GABRG3: variants seen among roughly 807,000 people sequenced by gnomAD.
GABRG3 encodes gamma-aminobutyric acid receptor subunit gamma-3.
A neutral mutation model predicts 48.8 loss-of-function variants in GABRG3; 25 were observed. The ratio of observed to expected loss-of-function variants is 0.51; its 90% CI spans 0.37 to 0.72. The LOEUF is 0.72. Among genes scored for constraint, GABRG3 ranks in the 30% least tolerant of loss-of-function variants. The pLI, the probability that GABRG3 is intolerant of heterozygous loss-of-function variation, is 0.00. For missense variants in GABRG3, 394 were observed against 577.9 expected (o/e 0.68, Z 3.26); for synonymous variants, 227 against 217.6 (o/e 1.04, Z -0.38).
chr15:27,082,917 C>T (rs575928707), intron 3 of GABRG3, among the ~76,000 whole-genome samples: 16 of 152,266 alleles, frequency 1.1e-4, no homozygotes, highest in African/African-American at 3.4e-4. Flanking sequence ...TGAGCCTCCC[C>T]GAACTCCCTG....
At chr15:26,978,915 C>G (rs1033398509) in intron 2 of GABRG3, among the ~76,000 whole-genome samples, 6 of 151,394 alleles carry the variant, frequency 4.0e-5, no homozygotes, top group African/African-American at 1.5e-4. Context: ...AGATATCAAT[C>G]TGGAAAGAAC....
At chr15:27,419,841 C>A (rs1308273088) in intron 5 of GABRG3, among the ~76,000 whole-genome samples, 1 of 152,144 alleles carries the variant, frequency 6.6e-6, no homozygotes, top group African/African-American at 2.4e-5. Context: ...TCAAGTTGCT[C>A]TTCTGACAAA....
intron 3 of GABRG3, among the ~76,000 whole-genome samples, chr15:27,116,125 C>T (rs753827300): frequency 2.3e-4 from 35 of 152,198 alleles, no homozygotes; most frequent in Non-Finnish European, 4.4e-4. Flanking sequence ...GGCCAGATGT[C>T]GCCCAGGGGA....
At chr15:27,095,574 G>A (rs949803943) in intron 3 of GABRG3, among the ~76,000 whole-genome samples, 4 of 152,106 alleles carry the variant, frequency 2.6e-5, no homozygotes, top group Admixed American at 2.6e-4. Context: ...TATTTGTAAA[G>A]CTGTCCCACA....
chr15:27,537,098 G>A lies in GABRG3; in HGVS notation c.*4217G>A, dbSNP rs1230462984. 8 of 137,306 alleles carry A rather than the reference G, an allele frequency of 5.8e-5. No individual in the cohort carries two copies. Among genetic ancestry groups the A allele is most frequent in the African/African-American group, 1.9e-4 (7 of 36,568 alleles). The allele number at this position is 137,306 out of a possible 1,614,324, so 8.5% of individuals were successfully genotyped here. On this transcript the variant is annotated 3_prime_UTR_variant, in exon 10 of 10. Coordinates refer to ENST00000615808, the MANE Select transcript of GABRG3 (RefSeq NM_033223.5). ...TCCTGAGCGATTTTAAACTCTACCC[G>A]TAAGAAATTTCATCTGCAATTTCTG...
intron 5 of GABRG3, among the ~76,000 whole-genome samples, chr15:27,414,051 G>A (rs548896737): frequency 4.0e-4 from 61 of 152,328 alleles, no homozygotes; most frequent in African/African-American, 1.3e-3. Context: ...TGAAGGAATT[G>A]TAGATTTCAG....
intron 2 of GABRG3, among the ~76,000 whole-genome samples, chr15:26,985,344 GTTC>G (rs1895131982): frequency 6.6e-6 from 1 of 152,206 alleles, no homozygotes; most frequent in Non-Finnish European, 1.5e-5. Context: ...ATCCCTGCCC[GTTC>G]CTGGATGAGG....
intron 5 of GABRG3, among the ~76,000 whole-genome samples, chr15:27,419,426 T>C (rs550990399): frequency 6.6e-6 from 1 of 152,314 alleles, no homozygotes; most frequent in South Asian, 2.1e-4. Context: ...GTTAAACTGA[T>C]GAGCATTAAG....
At chr15:27,197,884 GTTTA>G (rs1366277197) in intron 3 of GABRG3, among the ~76,000 whole-genome samples, 4 of 152,088 alleles carry the variant, frequency 2.6e-5, no homozygotes, top group Non-Finnish European at 4.4e-5. Flanking sequence ...AGATTTTCTA[GTTTA>G]TTTGTGTAGA....
intron 3 of GABRG3, among the ~76,000 whole-genome samples, chr15:27,238,485 A>G (rs1453559021): frequency 1.3e-5 from 2 of 152,208 alleles, no homozygotes; most frequent in African/African-American, 2.4e-5. Context: ...GTGGAGTTAC[A>G]TAGATCTGGA....
intron 5 of GABRG3, among the ~76,000 whole-genome samples, chr15:27,418,255 T>C (rs1238532902): frequency 6.6e-6 from 1 of 152,194 alleles, no homozygotes; most frequent in African/African-American, 2.4e-5. Context: ...AAGATGGTGT[T>C]GCTCTGATGT....
chr15:27,096,586 A>G (rs1897268419), intron 3 of GABRG3, among the ~76,000 whole-genome samples: 1 of 152,168 alleles, frequency 6.6e-6, no homozygotes, highest in Non-Finnish European at 1.5e-5. Flanking sequence ...CTGTGTATAC[A>G]TTTCATTTTT....
At chr15:27,306,841 G>A (rs1892527034) in intron 3 of GABRG3, among the ~76,000 whole-genome samples, 3 of 71,010 alleles carry the variant, frequency 4.2e-5, no homozygotes, top group African/African-American at 7.3e-5. Context: ...ATATAAACAT[G>A]TTTATATATA....
chr15:27,256,639 A>G (rs1326708925), intron 3 of GABRG3, among the ~76,000 whole-genome samples: 1 of 152,142 alleles, frequency 6.6e-6, no homozygotes. Flanking sequence ...AATCATTAAC[A>G]AAACGTGGTC....
chr15:27,440,340 G>A (rs974401506), intron 5 of GABRG3, among the ~76,000 whole-genome samples: 3 of 152,158 alleles, frequency 2.0e-5, no homozygotes, highest in South Asian at 2.1e-4. Context: ...TGACCCCTGC[G>A]ATTCATGTGT....
chr15:27,502,820 C>T (rs1323400620), intron 6 of GABRG3, among the ~76,000 whole-genome samples: 1 of 152,184 alleles, frequency 6.6e-6, no homozygotes, highest in Admixed American at 6.5e-5. Context: ...TGAAGAGATA[C>T]GTAGGGCGAG....
intron 3 of GABRG3, among the ~76,000 whole-genome samples, chr15:27,128,035 A>G (rs1467117998): frequency 1.3e-5 from 2 of 152,286 alleles, no homozygotes; most frequent in East Asian, 3.9e-4. Context: ...GACACATCTC[A>G]TGACATATAA....
chr15:27,174,979 C>T (rs532591891), intron 3 of GABRG3, among the ~76,000 whole-genome samples: 8 of 152,270 alleles, frequency 5.3e-5, no homozygotes, highest in African/African-American at 1.9e-4. Context: ...CTAGAACCTT[C>T]CATTGCTCTG....
chr15:27,021,783 CA>C (rs1163575187), intron 2 of GABRG3, among the ~76,000 whole-genome samples: 10 of 152,202 alleles, frequency 6.6e-5, no homozygotes, highest in Admixed American at 6.5e-4. Context: ...GTCCAGGCTG[CA>C]GCGAGCCATG....
Sources: allele counts gnomAD v4.1 joint callset (sites outside exome capture counted in the v4.1 genomes callset), GRCh38; gene constraint gnomAD v4.1.1; transcripts MANE v1.5; gene names NCBI Gene and HGNC (gene_info 2026-07-23, HGNC 2026-07-21).